The following PELI2 variants were observed in gnomAD, a reference collection of about 807,000 sequenced individuals.
PELI2 encodes pellino E3 ubiquitin protein ligase family member 2.
In PELI2, 23 loss-of-function variants were observed where a neutral mutation model predicts 42.3. The ratio of observed to expected loss-of-function variants is 0.54; its 90% CI spans 0.39 to 0.77. The LOEUF (loss-of-function observed/expected upper bound fraction) is 0.77, where lower values mean the gene tolerates loss of function less well. Ranked by LOEUF, PELI2 falls within the 30% of genes least tolerant of loss-of-function variation. The pLI is 0.00. For missense variants in PELI2, 463 were observed against 553.2 expected (o/e 0.84, Z 1.64); for synonymous variants, 245 against 212.2 (o/e 1.15, Z -1.34).
At position 56,142,837 on chromosome 14, in the gene PELI2, T is replaced by C. The variant is rs79965638; in HGVS notation, c.77+24100T>C. Among the ~76,000 whole-genome samples, 1,483 of 152,278 alleles carry C rather than the reference T, an allele frequency of 9.7e-3. 25 individuals are homozygous for C. The highest frequency in any genetic ancestry group is 0.034 in the African/African-American group (1,426 of 41,572). On this transcript the variant is annotated intron_variant, in intron 1 of 5. Transcript: ENST00000267460. ...AATTATAGGACCAGATTTAGATCTT[T>C]TTAAACTACAGCTTTTTTTCTTTGC...
intron 2 of PELI2, among the ~76,000 whole-genome samples, chr14:56,202,006 A>G (rs760892169): frequency 9.9e-5 from 15 of 152,210 alleles, no homozygotes; most frequent in African/African-American, 3.1e-4. Context: ...GGTAAATTCT[A>G]TTGCCCTGTT....
intron 1 of PELI2, among the ~76,000 whole-genome samples, chr14:56,165,616 A>G (rs1884928018): frequency 6.6e-6 from 1 of 152,198 alleles, no homozygotes. Flanking sequence ...TCCATAGTGC[A>G]AATGAAGTGC....
intron 2 of PELI2, among the ~76,000 whole-genome samples, chr14:56,212,520 C>T (rs1886747646): frequency 6.6e-6 from 1 of 152,138 alleles, no homozygotes; most frequent in Non-Finnish European, 1.5e-5. Context: ...CCTGACCTGG[C>T]CCAGCTCCTG....
chr14:56,138,716 A>G (rs1337930428), intron 1 of PELI2, among the ~76,000 whole-genome samples: 1 of 152,216 alleles, frequency 6.6e-6, no homozygotes, highest in African/African-American at 2.4e-5. Context: ...ATTTCAGACT[A>G]TAACTGACTT....
intron 2 of PELI2, among the ~76,000 whole-genome samples, chr14:56,224,751 G>A (rs1887278498): frequency 6.6e-6 from 1 of 152,162 alleles, no homozygotes; most frequent in Non-Finnish European, 1.5e-5. Context: ...TGCAGGGCTT[G>A]TTGTATTTTA....
chr14:56,260,198 T>C (rs993844546), intron 2 of PELI2, among the ~76,000 whole-genome samples: 5 of 152,124 alleles, frequency 3.3e-5, no homozygotes, highest in Non-Finnish European at 7.4e-5. Context: ...TCCCCAGATA[T>C]ATACATTTCT....
intron 2 of PELI2, among the ~76,000 whole-genome samples, chr14:56,214,398 T>C (rs773872442): frequency 1.2e-4 from 19 of 152,192 alleles, no homozygotes; most frequent in Non-Finnish European, 1.2e-4. Context: ...ACAGGTTGGA[T>C]TGATTGGGTT....
chr14:56,202,240 T>G (rs4901650), intron 2 of PELI2, among the ~76,000 whole-genome samples: 61,358 of 152,106 alleles, frequency 0.4, 13,093 homozygotes, highest in South Asian at 0.53. Context: ...TTTGTAAAAA[T>G]GGAAGGAAAA....
At chr14:56,223,810 C>T (rs1300359856) in intron 2 of PELI2, among the ~76,000 whole-genome samples, 4 of 152,154 alleles carry the variant, frequency 2.6e-5, no homozygotes, top group African/African-American at 9.7e-5. Context: ...CTAATTTAGG[C>T]ATCATTCACT....
rs992909830 is a variant in PELI2, at chr14:56,197,153, T to A, written c.207+18689T>A. Reference sequence around the variant, plus strand: ...CCCTGCACAAATGGAGGTTGTAGGGTCAGAGGCAGGCAATAAATAAGAAAT... The same window carrying A: ...CCCTGCACAAATGGAGGTTGTAGGGACAGAGGCAGGCAATAAATAAGAAAT... On this transcript the variant is annotated intron_variant, in intron 2 of 5. Transcript: ENST00000267460. This position sits in a 1 kb window ranked among gnomAD's most constrained non-coding sequence, Gnocchi z 4.9. Among the ~76,000 whole-genome samples the A allele has an allele frequency of 6.6e-6, 1 of 152,058 alleles. No individual in the cohort carries two copies. Among genetic ancestry groups the A allele is most frequent in the Admixed American group, 6.6e-5 (1 of 15,266 alleles).
chr14:56,253,988 A>C (rs1336085309), intron 2 of PELI2, among the ~76,000 whole-genome samples: 1 of 152,262 alleles, frequency 6.6e-6, no homozygotes, highest in Non-Finnish European at 1.5e-5. Context: ...TACTGGTACC[A>C]AAACAGATAC....
intron 2 of PELI2, among the ~76,000 whole-genome samples, chr14:56,192,491 C>T (rs1038104553): frequency 4.6e-5 from 7 of 152,258 alleles, no homozygotes; most frequent in African/African-American, 1.7e-4. Context: ...TTTACCCACT[C>T]GACACCAGTA....
intron 1 of PELI2, among the ~76,000 whole-genome samples, chr14:56,164,485 A>G (rs1884879796): frequency 6.6e-6 from 1 of 152,076 alleles, no homozygotes; most frequent in African/African-American, 2.4e-5. Context: ...CACCAGAGAT[A>G]TTAGCCTGTA....
chr14:56,266,106 C>G (rs1235477511), intron 2 of PELI2, among the ~76,000 whole-genome samples: 1 of 152,006 alleles, frequency 6.6e-6, no homozygotes, highest in African/African-American at 2.4e-5. Flanking sequence ...AAGCACTTGA[C>G]TGTTCAAACA....
intron 1 of PELI2, among the ~76,000 whole-genome samples, chr14:56,155,644 C>T (rs564658203): frequency 2.5e-4 from 37 of 150,606 alleles, no homozygotes; most frequent in African/African-American, 9.0e-4. Flanking sequence ...TGCAGTGGCG[C>T]GATCTCGGCT....
At chr14:56,123,505 C>T (rs1000710479) in intron 1 of PELI2, among the ~76,000 whole-genome samples, 1 of 152,098 alleles carries the variant, frequency 6.6e-6, no homozygotes, top group Non-Finnish European at 1.5e-5. Flanking sequence ...TTAAGGGTTA[C>T]GGTGTTACTG....
chr14:56,275,767 G>A (rs1460473722), intron 2 of PELI2, among the ~76,000 whole-genome samples: 6 of 152,124 alleles, frequency 3.9e-5, no homozygotes, highest in South Asian at 2.1e-4. Flanking sequence ...GCAGCCTGTG[G>A]CCCAGGGGTT....
intron 1 of PELI2, among the ~76,000 whole-genome samples, chr14:56,124,762 C>T (rs1039205706): frequency 6.6e-6 from 1 of 152,016 alleles, no homozygotes; most frequent in African/African-American, 2.4e-5. Flanking sequence ...GGGATGACCA[C>T]GATGGAGATA....
At chr14:56,150,669 A>C (rs1884315025) in intron 1 of PELI2, among the ~76,000 whole-genome samples, 1 of 152,254 alleles carries the variant, frequency 6.6e-6, no homozygotes. Context: ...AAGGGCTGTC[A>C]GCTAGAAAAG....
Sources: gnomAD v4.1 joint callset for allele counts (sites outside exome capture counted in the v4.1 genomes callset) on GRCh38, gnomAD v4.1.1 for gene constraint, Gnocchi (gnomAD v3.1) non-coding constraint, MANE v1.5 for transcripts, NCBI Gene and HGNC (gene_info 2026-07-23, HGNC 2026-07-21) for gene names.